IQGAP2: variants seen among roughly 807,000 people sequenced by gnomAD.
The protein encoded by IQGAP2 is IQ motif containing GTPase activating protein 2.
Under a neutral mutation model 201.3 loss-of-function variants are expected in IQGAP2, and 173 were observed. The observed-to-expected ratio is 0.86, with a 90% CI of 0.76 to 0.98. The LOEUF (loss-of-function observed/expected upper bound fraction) is 0.98. Among genes scored for constraint, IQGAP2 ranks in the 50% least tolerant of loss-of-function variants. IQGAP2 has a pLI of 0.00. For synonymous variants in IQGAP2, 675 were observed against 673.9 expected, an observed-to-expected ratio of 1.00 and a Z score of -0.03; for missense variants, 1,687 against 1,864.8, an observed-to-expected ratio of 0.90 and a Z score of 1.76.
intron 1 of IQGAP2, among the ~76,000 whole-genome samples, chr5:76,417,936 C>A: frequency 6.6e-6 from 1 of 150,972 alleles, no homozygotes. Flanking sequence ...TGGCTGGGCG[C>A]GGTGGCTCAC....
intron 1 of IQGAP2, among the ~76,000 whole-genome samples, chr5:76,417,370 A>T (rs964166782): frequency 6.6e-6 from 1 of 152,022 alleles, no homozygotes; most frequent in African/African-American, 2.4e-5. Flanking sequence ...GCTTACTGCA[A>T]TCTCCGCCTC....
chr5:76,690,849 G>A (rs1746199768), intron 30 of IQGAP2, among the ~76,000 whole-genome samples: 1 of 152,200 alleles, frequency 6.6e-6, no homozygotes, highest in African/African-American at 2.4e-5. Context: ...AAGTGCTCAA[G>A]TGCCACCTGT....
chr5:76,538,529 A>G (rs937710262), intron 2 of IQGAP2, among the ~76,000 whole-genome samples: 2 of 152,142 alleles, frequency 1.3e-5, no homozygotes, highest in African/African-American at 4.8e-5. Flanking sequence ...CTGTTTTTCA[A>G]CTGCACCCAG....
rs116123794 is a variant in IQGAP2 at position 76,556,243 on chromosome 5, G to C, written c.147-6153G>C. Among the ~76,000 whole-genome samples the C allele has an allele frequency of 7.3e-3, 1,114 of 152,216 alleles. 16 individuals carry two copies. Among genetic ancestry groups the C allele is most frequent in the African/African-American group, 0.025 (1,054 of 41,536 alleles). On this transcript the variant is annotated intron_variant, in intron 2 of 35. Coordinates refer to ENST00000274364, the MANE Select transcript of IQGAP2 (RefSeq NM_006633.5). The stretch of plus-strand genomic sequence containing the variant: ...TCAGGTATGACATTTACATAGTGCG[G>C]GGAAGGCTGGTTTCCCCACCCTAAT...
Position 76,641,027 on chromosome 5 carries a change from G to T in IQGAP2, c.2018G>T (p.Gly673Val). The change falls in exon 17 of 36, where the codon GGA becomes GTA. Residue 673 changes from glycine (G) to valine (V), a missense_variant. Gly to Val is a moderately radical substitution (Grantham distance 109). Transcript: ENST00000274364. ...CTTCGCTTTCAAGCCACAAGCTCAG[G>T]ACCCATCCTTAGGGAAGAGTTTGAA... ...LLLRFQATSS[G>V]PILREEFEAR... 6.2e-7 allele frequency: 1 copy of T among 1,611,602 alleles called. No homozygotes were observed.
At chr5:76,434,301 T>C (rs553785302) in intron 1 of IQGAP2, among the ~76,000 whole-genome samples, 18 of 152,310 alleles carry the variant, frequency 1.2e-4, no homozygotes, top group Non-Finnish European at 1.3e-4. Context: ...CTGAGTAGTG[T>C]ACATTGTGCC....
chr5:76,562,604 A>G, intron 3 of IQGAP2, 52 bp downstream of exon 3: 1 of 1,488,086 alleles, frequency 6.7e-7, no homozygotes, highest in East Asian at 2.3e-5. Context: ...AAAGTTTGGT[A>G]TTTCATATCC....
Position 76,520,700 on chromosome 5 carries a change from C to CTTTTTTTTT in IQGAP2, c.147-41683_147-41675dup, listed in dbSNP as rs5868829. Among the ~76,000 whole-genome samples, 3 of 109,220 alleles carry CTTTTTTTTT rather than the reference C, an allele frequency of 2.7e-5. 1 individual carries two copies. Among genetic ancestry groups the CTTTTTTTTT allele is most frequent in the Non-Finnish European group, 5.2e-5 (3 of 57,634 alleles). The allele number at this position is 109,220 out of a possible 152,430, so 71.7% of individuals were successfully genotyped here. On this transcript the variant is annotated intron_variant, in intron 2 of 35. Coordinates refer to ENST00000274364, the MANE Select transcript of IQGAP2 (RefSeq NM_006633.5). ...TCCATGAACATCATAGGTCTCTCCT[C>CTTTTTTTTT]TTTTTTTTTTTTTTTTTTTTTGAAA...
chr5:76,458,893 T>C (rs1664393101), intron 1 of IQGAP2, among the ~76,000 whole-genome samples: 1 of 152,222 alleles, frequency 6.6e-6, no homozygotes, highest in Admixed American at 6.5e-5. Flanking sequence ...CATATATTTT[T>C]ACAGAGCATG....
intron 2 of IQGAP2, among the ~76,000 whole-genome samples, chr5:76,544,655 G>A (rs1742984570): frequency 6.6e-6 from 1 of 152,140 alleles, no homozygotes; most frequent in Non-Finnish European, 1.5e-5. Context: ...AATGTTATGT[G>A]TACAGAGTGA....
intron 5 of IQGAP2, among the ~76,000 whole-genome samples, chr5:76,581,149 T>C (rs113127103): frequency 0.013 from 1,906 of 152,286 alleles, 40 homozygotes; most frequent in African/African-American, 0.044. Context: ...GTAGAGTTTG[T>C]CTAGCCAGCT....
chr5:76,655,313 A>G (rs1023043444), intron 20 of IQGAP2, among the ~76,000 whole-genome samples: 3 of 152,220 alleles, frequency 2.0e-5, no homozygotes, highest in African/African-American at 4.8e-5. Flanking sequence ...AATCTAATGC[A>G]AAAGAGTTAG....
rs1325408628 is a variant in IQGAP2, at chr5:76,403,466, G to T, written c.-80G>T. The T allele has an allele frequency of 2.0e-5, 22 of 1,123,686 alleles. No individual in the cohort carries two copies. The African/African-American group carries it at 3.1e-4, about 16-fold the overall frequency. The allele number at this position is 1,123,686 out of a possible 1,614,324, so 69.6% of individuals were successfully genotyped here. A position where few individuals can be genotyped will look rare whatever the true frequency, so the allele number is the denominator to read the frequency against. ...AGAGGCGGGATCCGAGCGCGCCGGCGGGGCGCAGAGCCCGCGAGCCTGGCC... is the reference window on the plus strand; with the variant it reads ...AGAGGCGGGATCCGAGCGCGCCGGCTGGGCGCAGAGCCCGCGAGCCTGGCC... On this transcript the variant is annotated 5_prime_UTR_variant, in exon 1 of 36. Transcript: ENST00000274364. This position sits in a 1 kb window ranked among gnomAD's most constrained non-coding sequence, Gnocchi z 4.8.
chr5:76,567,098 G>C (rs1455461477), intron 3 of IQGAP2, among the ~76,000 whole-genome samples: 2 of 152,188 alleles, frequency 1.3e-5, no homozygotes, highest in Non-Finnish European at 2.9e-5. Flanking sequence ...GCCTTAGATA[G>C]GGAAGGCATG....
chr5:76,586,690 TA>T (rs143881753), intron 5 of IQGAP2, among the ~76,000 whole-genome samples: 23,486 of 152,196 alleles, frequency 0.15, 1,974 homozygotes, highest in Admixed American at 0.27. Context: ...TAGGTTTAGC[TA>T]AATATTCAGA....
chr5:76,657,721 G>C (rs929693578), intron 20 of IQGAP2, among the ~76,000 whole-genome samples: 4 of 152,162 alleles, frequency 2.6e-5, no homozygotes, highest in African/African-American at 7.2e-5. Flanking sequence ...CCAAGAGTCA[G>C]AGTGCCAGGA....
chr5:76,579,255 C>T (rs1745675230), intron 5 of IQGAP2, among the ~76,000 whole-genome samples: 1 of 151,942 alleles, frequency 6.6e-6, no homozygotes, highest in African/African-American at 2.4e-5. Context: ...TATTTTGATA[C>T]CTACCCAGAA....
At chr5:76,534,289 C>G (rs1759496530) in intron 2 of IQGAP2, among the ~76,000 whole-genome samples, 1 of 152,172 alleles carries the variant, frequency 6.6e-6, no homozygotes, top group Non-Finnish European at 1.5e-5. Context: ...AATTGCTAAA[C>G]ATCCTACTGA....
intron 17 of IQGAP2, among the ~76,000 whole-genome samples, chr5:76,646,251 A>G (rs138212891): frequency 6.6e-4 from 101 of 152,310 alleles, no homozygotes; most frequent in African/African-American, 2.2e-3. Context: ...TTTATGAACA[A>G]CTGTTGGTGA....
Sources: allele counts gnomAD v4.1 joint callset (sites outside exome capture counted in the v4.1 genomes callset), GRCh38; gene constraint gnomAD v4.1.1; non-coding constraint Gnocchi (gnomAD v3.1); transcripts MANE v1.5; gene names NCBI Gene and HGNC (gene_info 2026-07-23, HGNC 2026-07-21).